CORO2B: variants seen among roughly 807,000 people sequenced by gnomAD.
CORO2B encodes coronin 2B.
A neutral mutation model predicts 58.8 loss-of-function variants in CORO2B; 26 were observed. The ratio of observed to expected loss-of-function variants is 0.44; its 90% CI spans 0.32 to 0.61. CORO2B has a LOEUF of 0.61. CORO2B is among the 20% of genes least tolerant of loss of function. The pLI, the probability that CORO2B is intolerant of heterozygous loss-of-function variation, is 0.04. For missense variants in CORO2B, 460 were observed against 645.1 expected (o/e 0.71, Z 3.11); for synonymous variants, 242 against 253.8 (o/e 0.95, Z 0.44).
intron 1 of CORO2B, among the ~76,000 whole-genome samples, chr15:68,595,086 A>C (rs1899793823): frequency 6.6e-6 from 1 of 152,166 alleles, no homozygotes; most frequent in Non-Finnish European, 1.5e-5. Flanking sequence ...AGTGAAGTGG[A>C]TTTAGGAAGC....
chr15:68,703,300 G>A (rs58055503), intron 3 of CORO2B, among the ~76,000 whole-genome samples: 208 of 151,252 alleles, frequency 1.4e-3, no homozygotes, highest in African/African-American at 4.9e-3. Context: ...ACAGGCACGC[G>A]CTACCACGCC....
intron 8 of CORO2B, among the ~76,000 whole-genome samples, chr15:68,716,694 T>G (rs1893039623): frequency 6.6e-6 from 1 of 152,084 alleles, no homozygotes; most frequent in Non-Finnish European, 1.5e-5. Context: ...AGTTGAGCTC[T>G]GAAAGATGGG....
At chr15:68,660,455 C>T (rs977116073) in intron 2 of CORO2B, among the ~76,000 whole-genome samples, 5 of 152,172 alleles carry the variant, frequency 3.3e-5, no homozygotes, top group African/African-American at 1.2e-4. Context: ...ACTGTAGCCT[C>T]AACGTCCTGG....
chr15:68,602,407 T>TCACA (rs370587519), intron 1 of CORO2B, among the ~76,000 whole-genome samples: 7,596 of 138,948 alleles, frequency 0.055, 229 homozygotes, highest in Middle Eastern at 0.077. Context: ...TAGGGGCTGA[T>TCACA]CACACACACA....
intron 2 of CORO2B, among the ~76,000 whole-genome samples, chr15:68,670,421 C>T (rs1310454423): frequency 2.6e-5 from 4 of 152,116 alleles, no homozygotes; most frequent in African/African-American, 9.7e-5. Context: ...CTCAAGTGAT[C>T]CTCCTGCCTC....
At chr15:68,668,668 C>A (rs955670311) in intron 2 of CORO2B, among the ~76,000 whole-genome samples, 16 of 152,254 alleles carry the variant, frequency 1.1e-4, no homozygotes, top group African/African-American at 3.4e-4. Flanking sequence ...ACCTTGGAGA[C>A]CACGCCAGTT....
intron 1 of CORO2B, among the ~76,000 whole-genome samples, chr15:68,592,932 C>T (rs185236269): frequency 3.5e-4 from 54 of 152,270 alleles, no homozygotes; most frequent in South Asian, 1.0e-3. Context: ...AACAGAATAC[C>T]GCAGACTGGG....
chr15:68,683,297 G>A (rs1299245914), intron 2 of CORO2B, among the ~76,000 whole-genome samples: 1 of 152,202 alleles, frequency 6.6e-6, no homozygotes, highest in African/African-American at 2.4e-5. Context: ...GCCATGGGAA[G>A]ATACTGAAGA....
the CORO2B span, among the ~76,000 whole-genome samples, chr15:68,561,039 A>C: frequency 3.3e-5 from 5 of 152,266 alleles, no homozygotes; most frequent in East Asian, 9.7e-4. Flanking sequence ...CACAGAGAGC[A>C]TAGAGCTCTG....
rs1212802651 is a variant in CORO2B at position 68,701,334 on chromosome 15, C to T, written c.333+6078C>T. 8.0e-5 allele frequency among the ~76,000 whole-genome samples: 12 copies of T among 150,504 alleles called. No homozygotes were observed. In the South Asian group the frequency reaches 2.1e-3, roughly 26 times the overall value. ...TCTTTTTTTTCTTTTTTTTGAGAGACGGAGGCTCGCTCTGTCGCCCAGTCT... is the reference window on the plus strand; with the variant it reads ...TCTTTTTTTTCTTTTTTTTGAGAGATGGAGGCTCGCTCTGTCGCCCAGTCT... On this transcript the variant is annotated intron_variant, in intron 3 of 11. Coordinates refer to ENST00000261861, the MANE Select transcript of CORO2B (RefSeq NM_006091.5).
chr15:68,534,154 T>G, the CORO2B span, among the ~76,000 whole-genome samples: 1 of 152,196 alleles, frequency 6.6e-6, no homozygotes, highest in Admixed American at 6.5e-5. Context: ...CCTAGAAGAC[T>G]TCTTTCTTGC....
At chr15:68,664,491 C>A (rs1005329452) in intron 2 of CORO2B, among the ~76,000 whole-genome samples, 1 of 151,950 alleles carries the variant, frequency 6.6e-6, no homozygotes, top group African/African-American at 2.4e-5. Context: ...ACTAAAAATA[C>A]AAAAAATTAG....
chr15:68,709,459 G>GTT (rs57604810), intron 3 of CORO2B, among the ~76,000 whole-genome samples: 102 of 99,032 alleles, frequency 1.0e-3, no homozygotes, highest in African/African-American at 3.3e-3. Context: ...TTTTTTTCGT[G>GTT]TTTTTTTTTT....
chr15:68,715,543 G>A (rs1461054573), intron 8 of CORO2B, among the ~76,000 whole-genome samples: 3 of 152,226 alleles, frequency 2.0e-5, no homozygotes. Flanking sequence ...TTGCCAGCAT[G>A]TGCTCTGCGT....
intron 3 of CORO2B, among the ~76,000 whole-genome samples, chr15:68,703,706 A>G (rs1321311711): frequency 6.6e-6 from 1 of 152,152 alleles, no homozygotes; most frequent in Non-Finnish European, 1.5e-5. Context: ...CAGTGTCATC[A>G]GAGGAGCTAA....
At chr15:68,580,430 G>A (rs1361279365) in intron 1 of CORO2B, among the ~76,000 whole-genome samples, 11 of 151,918 alleles carry the variant, frequency 7.2e-5, no homozygotes, top group Non-Finnish European at 1.2e-4. Flanking sequence ...AGTGATGGAG[G>A]TGGGGTGGTT....
chr15:68,651,248 A>G (rs12908134), intron 2 of CORO2B, among the ~76,000 whole-genome samples: 47,703 of 152,176 alleles, frequency 0.31, 7,719 homozygotes, highest in East Asian at 0.47. Flanking sequence ...CGCCCAAGCC[A>G]TGGCCGTCCC....
intron 2 of CORO2B, among the ~76,000 whole-genome samples, chr15:68,678,376 G>A (rs1902656847): frequency 6.6e-6 from 1 of 152,136 alleles, no homozygotes; most frequent in Non-Finnish European, 1.5e-5. Context: ...GGCCTGTCGG[G>A]CAATAACAGA....
intron 2 of CORO2B, among the ~76,000 whole-genome samples, chr15:68,659,623 G>A (rs965857381): frequency 1.3e-5 from 2 of 151,958 alleles, no homozygotes; most frequent in African/African-American, 4.8e-5. Context: ...TCATTAAGTG[G>A]AAGTGAATCA....
Sources: allele counts gnomAD v4.1 joint callset (sites outside exome capture counted in the v4.1 genomes callset), GRCh38; gene constraint gnomAD v4.1.1; transcripts MANE v1.5; gene names NCBI Gene and HGNC (gene_info 2026-07-23, HGNC 2026-07-21).